Variants in ASMT observed in about 807,000 individuals in gnomAD.
ASMT encodes the protein acetylserotonin N-methyltransferase.
In ASMT, 53 loss-of-function variants were observed where a neutral mutation model predicts 41.3. That is an observed-to-expected ratio of 1.28 (90% CI 1.03 to 1.61). The LOEUF (loss-of-function observed/expected upper bound fraction) is 1.61, where lower values mean the gene tolerates loss of function less well. Ranked by LOEUF, ASMT falls within the 40% of genes most tolerant of loss-of-function variation. The pLI is 0.00. For synonymous variants in ASMT, 231 were observed against 184.8 expected (o/e 1.25, Z -2.03); for missense variants, 531 against 441.3 (o/e 1.20, Z -1.82).
At chrX:1,621,349 G>A (rs1438635616) in intron 1 of ASMT, among the ~76,000 whole-genome samples, 1 of 151,656 alleles carries the variant, frequency 6.6e-6, no homozygotes, top group Non-Finnish European at 1.5e-5. Flanking sequence ...ATGGAGTCTC[G>A]CTCTGTTGCC....
chrX:1,636,425 C>T lies in ASMT; in HGVS notation c.788-13C>T, dbSNP rs1470846069. On this transcript the variant is annotated splice_polypyrimidine_tract_variant and intron_variant, in intron 7 of 8. Transcript: ENST00000381241. ...TTGCAGGCTGACCTCGGTGTGCCTG[C>T]CCTGTGTTCCAGGGGATTTCTTCAA... 6.2e-7 allele frequency: 1 copy of T among 1,613,868 alleles called. No individual in the cohort carries two copies. The highest frequency in any genetic ancestry group is 8.5e-7 in the Non-Finnish European group (1 of 1,179,846).
At chrX:1,634,217 A>G (rs1438133921) in intron 7 of ASMT, among the ~76,000 whole-genome samples, 2 of 152,244 alleles carry the variant, frequency 1.3e-5, no homozygotes, top group Non-Finnish European at 2.9e-5. Flanking sequence ...ATACAGATGC[A>G]TATCAGCGAA....
intron 8 of ASMT, among the ~76,000 whole-genome samples, chrX:1,642,191 A>T (rs1254296927): frequency 7.1e-6 from 1 of 140,176 alleles, no homozygotes; most frequent in African/African-American, 2.7e-5. Flanking sequence ...TCTGTGTGTG[A>T]TAAGGACAGT....
intron 8 of ASMT, among the ~76,000 whole-genome samples, chrX:1,642,324 A>G (rs1417385790): frequency 1.1e-4 from 16 of 144,658 alleles, no homozygotes; most frequent in African/African-American, 3.6e-4. Flanking sequence ...CTGATGGTCC[A>G]TGAGGACATG....
rs184627208 is a variant in ASMT, at chrX:1,616,174, A to T, written c.69+906A>T. Among the ~76,000 whole-genome samples the T allele has an allele frequency of 1.1e-4, 16 of 144,038 alleles. No homozygotes were observed. In the East Asian group the frequency reaches 3.1e-3, roughly 28 times the overall value. The allele number at this position is 144,038 out of a possible 152,430, so 94.5% of individuals were successfully genotyped here. ...CTCCCGAGTATCTGGGATTACAGGC[A>T]CCCACCACCACGCCCGGCTAATTTT... is the stretch of plus-strand genomic sequence containing the variant. On this transcript the variant is annotated intron_variant, in intron 1 of 8. Coordinates refer to ENST00000381241, the MANE Select transcript of ASMT (RefSeq NM_001171038.2).
chrX:1,629,703 G>A, intron 4 of ASMT, 118 bp from the exon 5 acceptor site: 2 of 935,186 alleles, frequency 2.1e-6, no homozygotes, highest in Middle Eastern at 2.6e-4. Context: ...ACAAATGCAA[G>A]CCTTCCAGGT....
chrX:1,636,423 T>C lies in ASMT; in HGVS notation c.788-15T>C. 6.2e-7 allele frequency: 1 copy of C among 1,613,912 alleles called. No individual in the cohort carries two copies. The highest frequency in any genetic ancestry group is 1.3e-5 in the African/African-American group (1 of 75,014). On this transcript the variant is annotated splice_polypyrimidine_tract_variant and intron_variant, in intron 7 of 8. Transcript: ENST00000381241. ...GATTGCAGGCTGACCTCGGTGTGCC[T>C]GCCCTGTGTTCCAGGGGATTTCTTC...
intron 4 of ASMT, among the ~76,000 whole-genome samples, chrX:1,628,201 A>G (rs1416083301): frequency 2.0e-5 from 3 of 152,008 alleles, no homozygotes; most frequent in Non-Finnish European, 4.4e-5. Flanking sequence ...GACGCCTGTA[A>G]TCCCAGCTAG....
chrX:1,640,526 G>A lies in ASMT; in HGVS notation c.911-2277G>A, dbSNP rs760206384. On this transcript the variant is annotated intron_variant, in intron 8 of 8. Transcript: ENST00000381241. ...GATGCTTCATGAGGACGTGGGCACA[G>A]CCTCTGTGTATGATGGGGACAGTGT... 5.7e-3 allele frequency among the ~76,000 whole-genome samples: 337 copies of A among 59,096 alleles called. 69 individuals carry two copies. Among genetic ancestry groups the A allele is most frequent in the Non-Finnish European group, 8.2e-3 (292 of 35,576 alleles). The allele number at this position is 59,096 out of a possible 152,430, so 38.8% of individuals were successfully genotyped here. A position where few individuals can be genotyped will look rare whatever the true frequency, so the allele number is the denominator to read the frequency against.
Position 1,636,554 on chromosome X carries a change from A to G in ASMT, c.904A>G (p.Lys302Glu). 1 of 1,610,038 alleles carries G rather than the reference A, an allele frequency of 6.2e-7. No homozygotes were observed. Among genetic ancestry groups the G allele is most frequent in the Non-Finnish European group, 8.5e-7 (1 of 1,178,938 alleles). The change falls in exon 8 of 9, where the codon AAG becomes GAG. Residue 302 changes from lysine to glutamate, a missense_variant. Coordinates refer to ENST00000381241, the MANE Select transcript of ASMT (RefSeq NM_001171038.2). ...HLLERIYHTC[K>E]PGGGILVIES... ...GCTGGAGAGGATCTACCACACTTGCAAGCCAGGTAAGTTGTGGGGTTTGCA... is the reference window on the plus strand; with the variant it reads ...GCTGGAGAGGATCTACCACACTTGCGAGCCAGGTAAGTTGTGGGGTTTGCA...
chrX:1,629,195 A>C (rs1934676981), intron 4 of ASMT, among the ~76,000 whole-genome samples: 3 of 152,126 alleles, frequency 2.0e-5, no homozygotes, highest in Admixed American at 2.0e-4. Flanking sequence ...CTTGCAGCCT[A>C]GGCTTTTAGT....
chrX:1,623,273 G>A lies in ASMT; in HGVS notation c.204G>A (p.Val68=). 6.2e-7 allele frequency: 1 copy of A among 1,613,952 alleles called. No homozygotes were observed. The highest frequency in any genetic ancestry group is 8.5e-7 in the Non-Finnish European group (1 of 1,179,876). ...HGTELLLDIC[V]SLKLLKVETR... ...CAGAGCTCCTGCTGGACATCTGTGT[G>A]TCCCTGAAGCTGCTGAAAGTGGAGA... The change falls in exon 2 of 9, where the codon GTG becomes GTA. Residue 68 remains valine, a synonymous_variant. Coordinates refer to ENST00000381241, the MANE Select transcript of ASMT (RefSeq NM_001171038.2).
intron 4 of ASMT, among the ~76,000 whole-genome samples, chrX:1,628,506 C>G (rs1391442286): frequency 6.6e-6 from 1 of 152,010 alleles, no homozygotes; most frequent in African/African-American, 2.4e-5. Context: ...AGTGTTCCAG[C>G]TGGCTGAGGC....
chrX:1,627,666 AATG>A, intron 3 of ASMT, 34 bp from the exon 4 acceptor site: 1 of 1,502,182 alleles, frequency 6.7e-7, no homozygotes, highest in Non-Finnish European at 9.3e-7. Context: ...AATGAAATGA[AATG>A]AAATGAAAAT....
chrX:1,629,017 T>G (rs1455182522), intron 4 of ASMT, among the ~76,000 whole-genome samples: 1 of 150,768 alleles, frequency 6.6e-6, no homozygotes, highest in African/African-American at 2.5e-5. Flanking sequence ...CTGCCTGCCT[T>G]CCTTCCTTCC....
chrX:1,634,362 C>G (rs1223535019), intron 7 of ASMT, among the ~76,000 whole-genome samples: 3 of 152,202 alleles, frequency 2.0e-5, no homozygotes, highest in Non-Finnish European at 4.4e-5. Flanking sequence ...CACTGCCAGC[C>G]TGGAGAGCCT....
At position 1,636,545 on chromosome X, in the gene ASMT, C is replaced by G; in HGVS notation, c.895C>G (p.His299Asp). ...KCSHLLERIY[H>D]TCKPGGGILV... ...CTCACACCTGCTGGAGAGGATCTAC[C>G]ACACTTGCAAGCCAGGTAAGTTGTG... The change falls in exon 8 of 9, where the codon CAC becomes GAC. Residue 299 changes from histidine (H) to aspartate (D), a missense_variant. Transcript: ENST00000381241. 3 of 1,612,614 alleles carry G rather than the reference C, an allele frequency of 1.9e-6. No individual in the cohort carries two copies. The highest frequency in any genetic ancestry group is 1.7e-5 in the Admixed American group (1 of 59,844).
rs1297098405 is a variant in ASMT at position 1,616,176 on chromosome X, C to A, written c.69+908C>A. ...CCCGAGTATCTGGGATTACAGGCACCCACCACCACGCCCGGCTAATTTTTG... is the reference window on the plus strand; with the variant it reads ...CCCGAGTATCTGGGATTACAGGCACACACCACCACGCCCGGCTAATTTTTG... On this transcript the variant is annotated intron_variant, in intron 1 of 8. Coordinates refer to ENST00000381241, the MANE Select transcript of ASMT (RefSeq NM_001171038.2). Among the ~76,000 whole-genome samples the A allele has an allele frequency of 1.8e-4, 25 of 140,534 alleles. 1 individual carries two copies. Among genetic ancestry groups the A allele is most frequent in the South Asian group, 4.3e-4 (2 of 4,634 alleles). The allele number at this position is 140,534 out of a possible 152,430, so 92.2% of individuals were successfully genotyped here. A position where few individuals can be genotyped will look rare whatever the true frequency, so the allele number is the denominator to read the frequency against.
In ASMT at chrX:1,632,796, T is replaced by C. The variant is rs1165300679; in HGVS notation, c.646+9T>C. 2 of 429,756 alleles carry C rather than the reference T, an allele frequency of 4.7e-6. No homozygotes were observed. The highest frequency in any genetic ancestry group is 3.5e-5 in the Admixed American group (1 of 28,532). 26.6% of individuals were successfully genotyped at this position (429,756 alleles called of 1,614,324 possible). On this transcript the variant is annotated intron_variant, in intron 6 of 8. Transcript: ENST00000381241. ...CGTGTTCTCACTCATAGGTGGGAAC[T>C]GAACAATGAGACCACATGGACACAG...
Sources: allele counts gnomAD v4.1 joint callset (sites outside exome capture counted in the v4.1 genomes callset), GRCh38; gene constraint gnomAD v4.1.1; transcripts MANE v1.5; gene names NCBI Gene and HGNC (gene_info 2026-07-23, HGNC 2026-07-21).